Variants in CEP120 observed in about 807,000 individuals in gnomAD.
CEP120 encodes the protein centrosomal protein 120.
CEP120 carries 113 observed loss-of-function variants against 126.5 expected under a neutral mutation model. The ratio of observed to expected loss-of-function variants is 0.89; its 90% CI spans 0.77 to 1.04. The LOEUF (loss-of-function observed/expected upper bound fraction) is 1.04. Ranked by LOEUF, CEP120 falls within the 50% of genes least tolerant of loss-of-function variation. CEP120 has a pLI of 0.00. For synonymous variants in CEP120, 400 were observed against 394.3 expected (o/e 1.01, Z -0.17); for missense variants, 1,230 against 1,155.7 (o/e 1.06, Z -0.93).
In CEP120 at chr5:123,382,173, G is replaced by T; in HGVS notation, c.2041C>A (p.Gln681Lys). 1 of 1,608,562 alleles carries T rather than the reference G, an allele frequency of 6.2e-7. No homozygotes were observed. The highest frequency in any genetic ancestry group is 1.1e-5 in the South Asian group (1 of 90,544). ...QLKQKELAHM[Q>K]ALAEEWKKRD... is the part of the protein sequence containing the mutation. Reference sequence around the variant, plus strand: ...TTCTTCCATTCCTCTGCAAGAGCCTGCATATGAGCCAGTTCTTTCTGCTTC... The same window carrying T: ...TTCTTCCATTCCTCTGCAAGAGCCTTCATATGAGCCAGTTCTTTCTGCTTC... The change falls in exon 14 of 20, where the codon CAG becomes AAG. Residue 681 changes from glutamine to lysine, a missense_variant. By Grantham distance (53) the Gln-to-Lys change is moderately conservative. Coordinates refer to ENST00000306467, the MANE Select transcript of CEP120 (RefSeq NM_001375405.1).
At chr5:123,376,729 G>T (rs1212161991) in intron 16 of CEP120, among the ~76,000 whole-genome samples, 1 of 152,104 alleles carries the variant, frequency 6.6e-6, no homozygotes, top group Admixed American at 6.6e-5. Context: ...TATGGGTCTA[G>T]AGGGCAAAGG....
intron 1 of CEP120, chr5:123,422,682 G>T: frequency 2.4e-6 from 2 of 818,154 alleles, no homozygotes; most frequent in Non-Finnish European, 3.9e-6. Context: ...TCGACGTGCT[G>T]CTTTGGATGA....
intron 1 of CEP120, chr5:123,422,386 C>G (rs1313495330): frequency 1.1e-6 from 1 of 889,854 alleles, no homozygotes; most frequent in Non-Finnish European, 1.8e-6. Flanking sequence ...AGAATCAGGA[C>G]TGTTTCATTC....
intron 4 of CEP120, chr5:123,402,048 T>C (rs1389107768): frequency 8.8e-6 from 14 of 1,596,256 alleles, no homozygotes; most frequent in Non-Finnish European, 1.2e-5. Context: ...AAACTTGTTG[T>C]TGAGGGTCTT....
intron 9 of CEP120, among the ~76,000 whole-genome samples, chr5:123,388,081 C>T (rs1004921810): frequency 1.1e-5 from 1 of 93,000 alleles, no homozygotes; most frequent in Non-Finnish European, 2.3e-5. Flanking sequence ...TTATTTTGAC[C>T]AGTAATACTT....
At chr5:123,381,690 T>C (rs958852070) in intron 14 of CEP120, among the ~76,000 whole-genome samples, 4 of 152,096 alleles carry the variant, frequency 2.6e-5, no homozygotes, top group African/African-American at 4.8e-5. Flanking sequence ...TATATTGAAA[T>C]GTGCTTTTAT....
intron 4 of CEP120, among the ~76,000 whole-genome samples, chr5:123,409,577 T>G (rs1217167338): frequency 3.3e-5 from 5 of 152,080 alleles, no homozygotes; most frequent in Admixed American, 1.3e-4. Context: ...AGTATACAGA[T>G]GAGGAAAGAA....
chr5:123,398,780 G>A (rs1288273211), intron 5 of CEP120, among the ~76,000 whole-genome samples: 2 of 152,080 alleles, frequency 1.3e-5, no homozygotes, highest in African/African-American at 4.8e-5. Context: ...AGTATTAGTG[G>A]CAGAAAGTAT....
Position 123,346,535 on chromosome 5 carries a change from C to A in CEP120, c.2945G>T (p.Ser982Ile). 6 of 1,611,156 alleles carry A rather than the reference C, an allele frequency of 3.7e-6. No homozygotes were observed. The highest frequency in any genetic ancestry group is 4.2e-6 in the Non-Finnish European group (5 of 1,179,078). Residue 982 changes from serine to isoleucine, a missense_variant, in exon 20 of 20, where the codon AGC becomes ATC. Ser to Ile is a moderately radical substitution (Grantham distance 142). Transcript: ENST00000306467. Reference protein sequence around the residue: ...DRQIREILAKSNASN With the variant: ...DRQIREILAKINASN ...CAAATGTTATTAATTACTGGCATTG[C>A]TTTTTGCCAAAATCTCTCTGATCTG...
Position 123,399,193 on chromosome 5 carries a change from G to A in CEP120, c.555C>T (p.Tyr185=). ...CTGACATAATAAAGGAGTCAGTACA[G>A]TATTCTGCTGGTCCAATCTGATGGT... ...GGYHQIGPAE[Y]CTDSFIMSVT... Residue 185 remains tyrosine, a synonymous_variant, in exon 5 of 20, where the codon TAC becomes TAT. Transcript: ENST00000306467. The A allele has an allele frequency of 1.2e-6, 2 of 1,613,962 alleles. No individual in the cohort carries two copies. The highest frequency in any genetic ancestry group is 1.7e-6 in the Non-Finnish European group (2 of 1,179,816).
chr5:123,358,812 A>G (rs1769850367), intron 18 of CEP120, among the ~76,000 whole-genome samples: 1 of 152,010 alleles, frequency 6.6e-6, no homozygotes, highest in Non-Finnish European at 1.5e-5. Context: ...GCTGCCTATA[A>G]ATCCAGAAAG....
At chr5:123,362,849 C>T (rs1264317175) in intron 18 of CEP120, among the ~76,000 whole-genome samples, 3 of 151,652 alleles carry the variant, frequency 2.0e-5, no homozygotes, top group African/African-American at 7.2e-5. Context: ...ATATTTCTAA[C>T]TGGTAGCCGA....
At chr5:123,376,019 T>A (rs1012598734) in intron 16 of CEP120, among the ~76,000 whole-genome samples, 1 of 151,864 alleles carries the variant, frequency 6.6e-6, no homozygotes, top group African/African-American at 2.4e-5. Context: ...CAAATATTTA[T>A]TGAGCCCCTA....
chr5:123,378,156 G>GT (rs1771370206), intron 15 of CEP120, among the ~76,000 whole-genome samples, 180 bp downstream of exon 15: 1 of 151,814 alleles, frequency 6.6e-6, no homozygotes, highest in South Asian at 2.1e-4. Context: ...AAATAATTAT[G>GT]TAAGACTCTC....
chr5:123,355,322 A>C (rs746046753), intron 18 of CEP120, among the ~76,000 whole-genome samples: 1 of 152,146 alleles, frequency 6.6e-6, no homozygotes, highest in African/African-American at 2.4e-5. Flanking sequence ...GGCTGGGTCA[A>C]ATGGTATTTC....
chr5:123,392,095 A>G (rs1772443105), intron 6 of CEP120, among the ~76,000 whole-genome samples: 1 of 152,232 alleles, frequency 6.6e-6, no homozygotes, highest in Non-Finnish European at 1.5e-5. Context: ...TAGCTCTAAT[A>G]TCATCAGTGA....
chr5:123,399,781 C>T (rs970969624), intron 4 of CEP120, among the ~76,000 whole-genome samples: 8 of 152,098 alleles, frequency 5.3e-5, no homozygotes, highest in African/African-American at 1.7e-4. Context: ...GCTGGATAAG[C>T]AGAGGCCATA....
At chr5:123,362,064 T>C (rs928786411) in intron 18 of CEP120, among the ~76,000 whole-genome samples, 1 of 151,854 alleles carries the variant, frequency 6.6e-6, no homozygotes, top group East Asian at 1.9e-4. Flanking sequence ...ATGGAGTTTA[T>C]ATCTTGTTAC....
Position 123,345,042 on chromosome 5 carries a change from A to T in CEP120, c.*1477T>A, listed in dbSNP as rs984447840. 5 of 152,214 alleles carry T rather than the reference A, an allele frequency of 3.3e-5. No individual in the cohort carries two copies. The highest frequency in any genetic ancestry group is 6.6e-5 in the Admixed American group (1 of 15,266). 9.4% of individuals were successfully genotyped at this position (152,214 alleles called of 1,614,324 possible). ...GCGTTTGAAAGCAGTCACAGGCAAC[A>T]CACAATGCAATTGAAAGTAAACAGT... On this transcript the variant is annotated 3_prime_UTR_variant, in exon 20 of 20. Coordinates refer to ENST00000306467, the MANE Select transcript of CEP120 (RefSeq NM_001375405.1).
Sources: allele counts gnomAD v4.1 joint callset (sites outside exome capture counted in the v4.1 genomes callset), GRCh38; gene constraint gnomAD v4.1.1; transcripts MANE v1.5; gene names NCBI Gene and HGNC (gene_info 2026-07-23, HGNC 2026-07-21).